DPP10: variants seen among roughly 807,000 people sequenced by gnomAD.
The protein encoded by DPP10 is inactive dipeptidyl peptidase 10.
DPP10 carries 33 observed loss-of-function variants against 120.9 expected under a neutral mutation model. The ratio of observed to expected loss-of-function variants is 0.27; its 90% CI spans 0.21 to 0.37. The LOEUF (loss-of-function observed/expected upper bound fraction) is 0.37, where lower values mean the gene tolerates loss of function less well. Ranked by LOEUF, DPP10 falls within the 10% of genes least tolerant of loss-of-function variation. DPP10 has a pLI of 1.00. For missense variants in DPP10, 816 were observed against 942.8 expected, an observed-to-expected ratio of 0.87 and a Z score of 1.76; for synonymous variants, 337 against 326.1, an observed-to-expected ratio of 1.03 and a Z score of -0.36.
intron 7 of DPP10, among the ~76,000 whole-genome samples, chr2:115,724,148 T>TA (rs2092712492): frequency 6.6e-6 from 1 of 152,234 alleles, no homozygotes; most frequent in Non-Finnish European, 1.5e-5. Flanking sequence ...TCACTTATGG[T>TA]AAGCTAATTT....
rs111492453 is a variant in DPP10, at chr2:115,763,851, G to A, written c.1113+1241G>A. ...AAGGTCCACAAGGGATTAATTGAAA[G>A]CTTTTTCAGCTCTGAGTCATAGAAT... On this transcript the variant is annotated intron_variant, in intron 12 of 25. Transcript: ENST00000410059. Among the ~76,000 whole-genome samples the A allele has an allele frequency of 1.5e-3, 234 of 152,264 alleles. 1 individual carries two copies. The highest frequency in any genetic ancestry group is 5.2e-3 in the African/African-American group (215 of 41,554).
chr2:115,736,844 T>C (rs1019316896), intron 8 of DPP10, among the ~76,000 whole-genome samples: 9 of 152,156 alleles, frequency 5.9e-5, no homozygotes, highest in Non-Finnish European at 8.8e-5. Flanking sequence ...TTCCCCTTTC[T>C]AGTAAGTCGA....
chr2:115,137,474 A>G (rs539124201), intron 1 of DPP10, among the ~76,000 whole-genome samples: 20 of 152,334 alleles, frequency 1.3e-4, no homozygotes, highest in African/African-American at 4.1e-4. Context: ...TGCAGAGGAT[A>G]GCGACATAGG....
At chr2:114,724,886 G>T (rs951229946) in intron 1 of DPP10, among the ~76,000 whole-genome samples, 6 of 152,250 alleles carry the variant, frequency 3.9e-5, no homozygotes, top group Admixed American at 2.6e-4. Context: ...AGAGTGTGGG[G>T]TTTTTTTGTT....
chr2:115,605,590 A>G (rs939460812), intron 5 of DPP10, among the ~76,000 whole-genome samples: 7 of 152,082 alleles, frequency 4.6e-5, no homozygotes, highest in Non-Finnish European at 1.0e-4. Flanking sequence ...AGAGGGGTGG[A>G]AAGAAAGAAA....
chr2:114,442,751 G>A lies in DPP10; in HGVS notation c.-28G>A, dbSNP rs1179878806. On this transcript the variant is annotated 5_prime_UTR_variant, in exon 1 of 26. Coordinates refer to ENST00000410059, the MANE Select transcript of DPP10 (RefSeq NM_020868.6). ...TAGTTCATTCTGGAACTCCGCCTGG[G>A]ATTGTGCACTGTCCAGGGTCCTGAA... 2 of 1,612,794 alleles carry A rather than the reference G, an allele frequency of 1.2e-6. No individual in the cohort carries two copies. The highest frequency in any genetic ancestry group is 2.2e-5 in the East Asian group (1 of 44,772).
At chr2:114,850,737 A>G (rs1010505879) in intron 1 of DPP10, among the ~76,000 whole-genome samples, 17 of 152,164 alleles carry the variant, frequency 1.1e-4, no homozygotes, top group Non-Finnish European at 2.4e-4. Flanking sequence ...TTCAAAAAGG[A>G]ACAATGCACT....
intron 1 of DPP10, among the ~76,000 whole-genome samples, chr2:114,736,799 T>C (rs1051622617): frequency 6.6e-6 from 1 of 152,222 alleles, no homozygotes; most frequent in South Asian, 2.1e-4. Flanking sequence ...ATCACCTGGA[T>C]GTTTTGCATG....
chr2:114,765,535 A>G (rs1005347405), intron 1 of DPP10, among the ~76,000 whole-genome samples: 1 of 152,214 alleles, frequency 6.6e-6, no homozygotes, highest in African/African-American at 2.4e-5. Context: ...GGCCGAGGAC[A>G]GGCTTCAAAA....
chr2:114,885,100 C>T lies in DPP10; in HGVS notation c.61-424139C>T, dbSNP rs191288021. On this transcript the variant is annotated intron_variant, in intron 1 of 25. Transcript: ENST00000410059. Reference sequence around the variant, plus strand: ...ACTGCTCCAAAGAAATACTTGAGACCGGGTAATTTATAAGGAGAAGAGGTT... The same window carrying T: ...ACTGCTCCAAAGAAATACTTGAGACTGGGTAATTTATAAGGAGAAGAGGTT... Among the ~76,000 whole-genome samples the T allele has an allele frequency of 6.7e-4, 102 of 152,230 alleles. No individual in the cohort carries two copies. In the East Asian group the frequency reaches 8.9e-3, roughly 13 times the overall value.
At chr2:115,079,659 C>G (rs1708104758) in intron 1 of DPP10, among the ~76,000 whole-genome samples, 1 of 152,144 alleles carries the variant, frequency 6.6e-6, no homozygotes, top group African/African-American at 2.4e-5. Flanking sequence ...AGCTGGTGCA[C>G]TGCACTCTGG....
chr2:115,053,389 A>G (rs1705660770), intron 1 of DPP10, among the ~76,000 whole-genome samples: 1 of 152,242 alleles, frequency 6.6e-6, no homozygotes, highest in South Asian at 2.1e-4. Context: ...GTACGATTCC[A>G]TTATTGTGAA....
rs1437637104 is a variant in DPP10, at chr2:115,061,194, G to C, written c.61-248045G>C. Among the ~76,000 whole-genome samples, 5 of 152,164 alleles carry C rather than the reference G, an allele frequency of 3.3e-5. No individual in the cohort carries two copies. In the East Asian group the frequency reaches 9.6e-4, roughly 29 times the overall value. ...CCATGGAAAATAATCAAAGAGCAAA[G>C]ATAGAGATTCCCTTCCTATTTATGC... On this transcript the variant is annotated intron_variant, in intron 1 of 25. Coordinates refer to ENST00000410059, the MANE Select transcript of DPP10 (RefSeq NM_020868.6).
Position 115,392,701 on chromosome 2 carries a change from A to G in DPP10, c.271+48789A>G, listed in dbSNP as rs367862702. ...CTGTATTTAATATAGTTTGTATTTT[A>G]ATTTCAGTGTCTGTGATTTAAATTA... On this transcript the variant is annotated intron_variant, in intron 3 of 25. Coordinates refer to ENST00000410059, the MANE Select transcript of DPP10 (RefSeq NM_020868.6). Among the ~76,000 whole-genome samples, 9 of 152,256 alleles carry G rather than the reference A, an allele frequency of 5.9e-5. No homozygotes were observed. The East Asian group carries it at 1.4e-3, about 23-fold the overall frequency.
intron 1 of DPP10, among the ~76,000 whole-genome samples, chr2:114,544,854 A>T (rs1267260169): frequency 1.3e-5 from 2 of 151,524 alleles, no homozygotes; most frequent in Non-Finnish European, 2.9e-5. Flanking sequence ...ATGTCAATAT[A>T]TTAAATTTTT....
At chr2:115,404,838 A>G (rs1054914956) in intron 3 of DPP10, among the ~76,000 whole-genome samples, 5 of 152,172 alleles carry the variant, frequency 3.3e-5, no homozygotes, top group Admixed American at 6.5e-5. Context: ...GAATTATTCC[A>G]TTCCTAAAAT....
At chr2:114,556,012 C>T (rs1010393873) in intron 1 of DPP10, among the ~76,000 whole-genome samples, 2 of 151,838 alleles carry the variant, frequency 1.3e-5, no homozygotes, top group Non-Finnish European at 2.9e-5. Context: ...ATCCAAGTTT[C>T]AAGGGAAAAG....
At chr2:115,428,519 C>G (rs1012489979) in intron 3 of DPP10, among the ~76,000 whole-genome samples, 2 of 152,106 alleles carry the variant, frequency 1.3e-5, no homozygotes, top group East Asian at 3.9e-4. Context: ...GGAGCTTGCA[C>G]ACACATGGTG....
At chr2:115,533,111 C>G (rs1027474306) in intron 5 of DPP10, among the ~76,000 whole-genome samples, 4 of 151,986 alleles carry the variant, frequency 2.6e-5, no homozygotes, top group Non-Finnish European at 5.9e-5. Context: ...GACTAGTTAA[C>G]TATTTTACAC....
Sources: gnomAD v4.1 joint callset for allele counts (sites outside exome capture counted in the v4.1 genomes callset) on GRCh38, gnomAD v4.1.1 for gene constraint, MANE v1.5 for transcripts, NCBI Gene and HGNC (gene_info 2026-07-23, HGNC 2026-07-21) for gene names.